Variants in CDH4 observed in about 807,000 individuals in gnomAD.
CDH4 encodes the protein cadherin-4.
In CDH4, 33 loss-of-function variants were observed where a neutral mutation model predicts 86.0. That is an observed-to-expected ratio of 0.38 (90% CI 0.29 to 0.51). The LOEUF is 0.51. CDH4 is among the 20% of genes least tolerant of loss of function. CDH4 has a pLI of 0.86. For missense variants in CDH4, 1,114 were observed against 1,307.4 expected (o/e 0.85, Z 2.28); for synonymous variants, 555 against 549.4 (o/e 1.01, Z -0.14).
rs959642071 is a variant in CDH4 at position 61,325,942 on chromosome 20, A to G, written c.169+71005A>G. On this transcript the variant is annotated intron_variant, in intron 2 of 15. Transcript: ENST00000614565. ...TGGTTGGCCTGGTCAGTGCCGTGCC[A>G]TTCCCAGCTTCTCGCTCTCCCTGAT... is the stretch of plus-strand genomic sequence containing the variant. Among the ~76,000 whole-genome samples the G allele has an allele frequency of 6.6e-5, 10 of 152,256 alleles. No individual in the cohort carries two copies. The South Asian group carries it at 1.9e-3, about 28-fold the overall frequency.
intron 2 of CDH4, among the ~76,000 whole-genome samples, chr20:61,503,392 G>A (rs992016646): frequency 6.6e-6 from 1 of 152,192 alleles, no homozygotes. Context: ...AAAAGGGGTC[G>A]TAAAAGTAAA....
At chr20:61,576,501 C>CT (rs1424042718) in intron 2 of CDH4, among the ~76,000 whole-genome samples, 2 of 152,176 alleles carry the variant, frequency 1.3e-5, no homozygotes, top group East Asian at 3.8e-4. Context: ...CAGCACCTGG[C>CT]TTGGAGTAGG....
intron 2 of CDH4, among the ~76,000 whole-genome samples, chr20:61,649,794 A>T (rs940827243): frequency 1.3e-5 from 2 of 152,232 alleles, no homozygotes; most frequent in Non-Finnish European, 2.9e-5. Context: ...CTCCCAGGAC[A>T]GTCCCTTGGC....
chr20:61,853,006 C>T (rs1982806220), intron 6 of CDH4, 108 bp downstream of exon 6: 1 of 1,201,786 alleles, frequency 8.3e-7, no homozygotes, highest in Admixed American at 2.1e-5. Context: ...AGGATGGTGC[C>T]ACGGGACTTG....
intron 2 of CDH4, among the ~76,000 whole-genome samples, chr20:61,701,365 C>T (rs2087774084): frequency 6.6e-6 from 1 of 152,196 alleles, no homozygotes; most frequent in Non-Finnish European, 1.5e-5. Flanking sequence ...CCATAACAAG[C>T]GAGTGAATGG....
intron 2 of CDH4, among the ~76,000 whole-genome samples, chr20:61,513,421 T>C (rs914819642): frequency 3.3e-5 from 5 of 152,132 alleles, no homozygotes; most frequent in African/African-American, 1.2e-4. Context: ...AGAACTTCTG[T>C]GCTCATCTCA....
chr20:61,862,131 G>A (rs1465063496), intron 6 of CDH4, among the ~76,000 whole-genome samples: 1 of 152,184 alleles, frequency 6.6e-6, no homozygotes, highest in Non-Finnish European at 1.5e-5. Flanking sequence ...CTTCTGCACA[G>A]ATGTCTTGCC....
At chr20:61,862,069 C>T (rs1351234557) in intron 6 of CDH4, among the ~76,000 whole-genome samples, 4 of 152,214 alleles carry the variant, frequency 2.6e-5, no homozygotes, top group South Asian at 2.1e-4. Context: ...CAGCCCAGGG[C>T]GCTGTCCCCC....
intron 2 of CDH4, among the ~76,000 whole-genome samples, chr20:61,455,831 C>T (rs1179060506): frequency 3.9e-5 from 6 of 152,132 alleles, no homozygotes; most frequent in Admixed American, 3.9e-4. Context: ...TCATCTGCAG[C>T]ATGGGACCAA....
At chr20:61,861,709 T>C (rs1983333386) in intron 6 of CDH4, among the ~76,000 whole-genome samples, 1 of 152,148 alleles carries the variant, frequency 6.6e-6, no homozygotes, top group African/African-American at 2.4e-5. Context: ...TCTCACCACG[T>C]TGTCACGAGG....
intron 4 of CDH4, among the ~76,000 whole-genome samples, chr20:61,806,575 G>A (rs201586359): frequency 7.3e-5 from 11 of 151,672 alleles, no homozygotes; most frequent in South Asian, 2.1e-4. Context: ...CCACGCGCAC[G>A]CACACACACA....
At chr20:61,383,868 TATATGAAGATATATGAA>T (rs2084936258) in intron 2 of CDH4, among the ~76,000 whole-genome samples, 3 of 88,182 alleles carry the variant, frequency 3.4e-5, no homozygotes, top group Non-Finnish European at 7.2e-5. Flanking sequence ...TATATGCGTA[TATATGAAGATATATGAA>T]TATGTATGAG....
intron 2 of CDH4, among the ~76,000 whole-genome samples, chr20:61,574,012 C>T (rs1226401587): frequency 6.6e-6 from 1 of 152,154 alleles, no homozygotes; most frequent in Non-Finnish European, 1.5e-5. Flanking sequence ...TGTGAGGGCC[C>T]CAGAAGCCCC....
At chr20:61,855,959 C>G (rs1320098805) in intron 6 of CDH4, among the ~76,000 whole-genome samples, 1 of 152,202 alleles carries the variant, frequency 6.6e-6, no homozygotes, top group Non-Finnish European at 1.5e-5. Flanking sequence ...CAGGACGGAG[C>G]TGGAGGTGCC....
chr20:61,402,117 G>C (rs1892321), intron 2 of CDH4, among the ~76,000 whole-genome samples: 76,122 of 151,616 alleles, frequency 0.5, 20,094 homozygotes, highest in African/African-American at 0.67. Context: ...GCACAGAGCC[G>C]CTGTCTTAAA....
At chr20:61,428,303 A>T (rs1291469609) in intron 2 of CDH4, among the ~76,000 whole-genome samples, 1 of 152,178 alleles carries the variant, frequency 6.6e-6, no homozygotes, top group Non-Finnish European at 1.5e-5. Context: ...ATTGCTTCTA[A>T]AGCTGAATAT....
intron 2 of CDH4, among the ~76,000 whole-genome samples, chr20:61,648,844 G>A (rs139232407): frequency 6.6e-6 from 1 of 152,296 alleles, no homozygotes; most frequent in East Asian, 1.9e-4. Flanking sequence ...TTAGAACAGT[G>A]TCTGGCACTG....
intron 2 of CDH4, among the ~76,000 whole-genome samples, chr20:61,376,538 G>T (rs73917734): frequency 0.25 from 37,665 of 152,022 alleles, 5,044 homozygotes; most frequent in African/African-American, 0.34. Context: ...AGGTGGAGGC[G>T]TGGGCTTGGG....
chr20:61,552,997 A>G (rs2145675733), intron 2 of CDH4, among the ~76,000 whole-genome samples: 1 of 152,372 alleles, frequency 6.6e-6, no homozygotes, highest in East Asian at 1.9e-4. Context: ...ATGGATGTTT[A>G]TAGCAGTACC....
Sources: gnomAD v4.1 joint callset for allele counts (sites outside exome capture counted in the v4.1 genomes callset) on GRCh38, gnomAD v4.1.1 for gene constraint, MANE v1.5 for transcripts, NCBI Gene and HGNC (gene_info 2026-07-23, HGNC 2026-07-21) for gene names.